Variants in CPNE5 observed in about 807,000 individuals in gnomAD.
CPNE5 encodes copine-5.
CPNE5 carries 42 observed loss-of-function variants against 81.1 expected under a neutral mutation model. That is an observed-to-expected ratio of 0.52 (90% confidence interval 0.40 to 0.67). The LOEUF (loss-of-function observed/expected upper bound fraction) is 0.67. Among genes scored for constraint, CPNE5 ranks in the 30% least tolerant of loss-of-function variants. CPNE5 has a pLI of 0.00. For synonymous variants in CPNE5, 313 were observed against 321.5 expected (o/e 0.97, Z 0.28); for missense variants, 612 against 815.5 (o/e 0.75, Z 3.04).
chr6:36,769,919 T>G (rs1351584781), intron 10 of CPNE5, among the ~76,000 whole-genome samples: 1 of 152,118 alleles, frequency 6.6e-6, no homozygotes, highest in Non-Finnish European at 1.5e-5. Context: ...ACTCCTTTCC[T>G]CTCTCCAGGT....
chr6:36,828,993 A>G lies in CPNE5; in HGVS notation c.96-5895T>C, dbSNP rs367963605. Among the ~76,000 whole-genome samples, 50 of 152,302 alleles carry G rather than the reference A, an allele frequency of 3.3e-4. 1 individual carries two copies. The East Asian group carries it at 6.6e-3, about 20-fold the overall frequency. On this transcript the variant is annotated intron_variant, in intron 1 of 20. Transcript: ENST00000244751. ...GATTAAACTCACATAGTAAGTTGCA[A>G]TGCAGTGCCTGGCATACAATAAGTG...
intron 3 of CPNE5, among the ~76,000 whole-genome samples, chr6:36,818,315 C>G (rs1353457097): frequency 6.6e-6 from 1 of 152,222 alleles, no homozygotes; most frequent in Non-Finnish European, 1.5e-5. Flanking sequence ...CTTCCCTTCT[C>G]GTCGTTTCCC....
chr6:36,782,382 G>A (rs1296957874), intron 8 of CPNE5, among the ~76,000 whole-genome samples: 2 of 152,138 alleles, frequency 1.3e-5, no homozygotes, highest in Non-Finnish European at 2.9e-5. Context: ...AACCCCTCAG[G>A]CCCTGTGAGA....
chr6:36,788,558 C>T (rs184595921), intron 8 of CPNE5, among the ~76,000 whole-genome samples: 53 of 152,090 alleles, frequency 3.5e-4, no homozygotes, highest in African/African-American at 1.1e-3. Context: ...CCACCCAGCC[C>T]CCCAGCCTTG....
intron 1 of CPNE5, among the ~76,000 whole-genome samples, chr6:36,832,635 A>C (rs968428111): frequency 2.0e-5 from 3 of 149,758 alleles, no homozygotes; most frequent in Non-Finnish European, 3.0e-5. Context: ...GTGAGCTGAC[A>C]AAGTAGCCCT....
rs16889183 is a variant in CPNE5, at chr6:36,837,977, C to G, written c.95+1306G>C. Among the ~76,000 whole-genome samples, 7 of 152,090 alleles carry G rather than the reference C, an allele frequency of 4.6e-5. No individual in the cohort carries two copies. In the South Asian group the frequency reaches 1.5e-3, roughly 32 times the overall value. On this transcript the variant is annotated intron_variant, in intron 1 of 20. Transcript: ENST00000244751. ...GATGCAAATGGCGTTGGGAGATGAT[C>G]CTGACGGCATGGTGTATGGGACCTG...
Position 36,778,863 on chromosome 6 carries a change from T to C in CPNE5, c.623A>G (p.Glu208Gly). 1 of 1,598,214 alleles carries C rather than the reference T, an allele frequency of 6.3e-7. No homozygotes were observed. Among genetic ancestry groups the C allele is most frequent in the Non-Finnish European group, 8.6e-7 (1 of 1,166,480 alleles). ...TCCCCAGAAAACTCACGTTCCATCC[T>C]CGTTGCTTCTGTAGAATACCAAGAA... ...DPFLVFYRSN[E>G]DGTFTICHKT... Residue 208 changes from glutamate to glycine, a missense_variant, in exon 9 of 21, where the codon GAG becomes GGG. Coordinates refer to ENST00000244751, the MANE Select transcript of CPNE5 (RefSeq NM_020939.2).
intron 9 of CPNE5, among the ~76,000 whole-genome samples, chr6:36,775,407 T>C (rs1404196789): frequency 6.6e-6 from 1 of 152,218 alleles, no homozygotes; most frequent in Non-Finnish European, 1.5e-5. Context: ...GCTCCCCACC[T>C]GTAAACGCAG....
intron 9 of CPNE5, among the ~76,000 whole-genome samples, chr6:36,776,583 T>C (rs1405473481): frequency 6.6e-6 from 1 of 152,050 alleles, no homozygotes; most frequent in African/African-American, 2.4e-5. Context: ...CCCAGAGGGA[T>C]GGGGGATGAT....
At chr6:36,767,011 C>T (rs1297312873) in intron 10 of CPNE5, among the ~76,000 whole-genome samples, 1 of 152,184 alleles carries the variant, frequency 6.6e-6, no homozygotes, top group African/African-American at 2.4e-5. Flanking sequence ...TGAGCCACCA[C>T]ACCTGGCTAA....
chr6:36,751,628 A>G (rs1764835415), intron 14 of CPNE5, among the ~76,000 whole-genome samples: 1 of 152,126 alleles, frequency 6.6e-6, no homozygotes, highest in South Asian at 2.1e-4. Context: ...CGTCTCTACT[A>G]AAAATACAAA....
intron 8 of CPNE5, among the ~76,000 whole-genome samples, chr6:36,787,517 G>T (rs754965964): frequency 6.6e-6 from 1 of 152,082 alleles, no homozygotes. Context: ...TTTCCTTCGG[G>T]ATAGTCAAGA....
Position 36,816,099 on chromosome 6 carries a change from C to T in CPNE5, c.183+6015G>A, listed in dbSNP as rs550256807. Among the ~76,000 whole-genome samples, 4 of 152,272 alleles carry T rather than the reference C, an allele frequency of 2.6e-5. No homozygotes were observed. The South Asian group carries it at 8.3e-4, about 32-fold the overall frequency. ...AGTCTACCCACGAAGGTCTCTTAGC[C>T]CCATTTTATAGATTAGTAAGCTGAG... On this transcript the variant is annotated intron_variant, in intron 3 of 20. Transcript: ENST00000244751.
Position 36,746,371 on chromosome 6 carries a change from C to A in CPNE5, c.1200+25G>T. 1 of 1,594,900 alleles carries A rather than the reference C, an allele frequency of 6.3e-7. No individual in the cohort carries two copies. Among genetic ancestry groups the A allele is most frequent in the South Asian group, 1.1e-5 (1 of 89,466 alleles). The stretch of plus-strand genomic sequence containing the variant: ...CCTCACCCCCAGCCTGATCAGTCCT[C>A]TCTCCCACCAGCGGGACCACCTACC... On this transcript the variant is annotated intron_variant, in intron 16 of 20. Transcript: ENST00000244751. This position sits in a 1 kb window ranked among gnomAD's most constrained non-coding sequence, Gnocchi z 4.5.
At chr6:36,744,450 A>T in intron 18 of CPNE5, 125 bp from the exon 19 acceptor site, 1 of 738,886 alleles carries the variant, frequency 1.4e-6, no homozygotes, top group Non-Finnish European at 2.4e-6. Context: ...GAACATGGAG[A>T]GACAGAGAAA....
chr6:36,834,185 G>GGAGTTGGA (rs1378914821), intron 1 of CPNE5, among the ~76,000 whole-genome samples: 1 of 147,754 alleles, frequency 6.8e-6, no homozygotes, highest in African/African-American at 2.5e-5. Context: ...CTTGAGCCCA[G>GGAGTTGGA]GAGTTGGAGG....
chr6:36,744,899 C>T, intron 18 of CPNE5, 149 bp downstream of exon 18: 1 of 646,312 alleles, frequency 1.5e-6, no homozygotes, highest in Non-Finnish European at 2.8e-6. Context: ...GGCAGTGGGG[C>T]CCAGTGAGGC....
At chr6:36,764,675 C>CA (rs1766383702) in intron 11 of CPNE5, among the ~76,000 whole-genome samples, 1 of 152,128 alleles carries the variant, frequency 6.6e-6, no homozygotes, top group African/African-American at 2.4e-5. Flanking sequence ...ACTGGCCTCC[C>CA]AAAGACCCCG....
At chr6:36,836,169 G>A (rs1773484578) in intron 1 of CPNE5, among the ~76,000 whole-genome samples, 1 of 152,198 alleles carries the variant, frequency 6.6e-6, no homozygotes, top group African/African-American at 2.4e-5. Context: ...ATAATTGTTT[G>A]GGAGTATAGT....
Sources: gnomAD v4.1 joint callset for allele counts (sites outside exome capture counted in the v4.1 genomes callset) on GRCh38, gnomAD v4.1.1 for gene constraint, Gnocchi (gnomAD v3.1) non-coding constraint, MANE v1.5 for transcripts, NCBI Gene and HGNC (gene_info 2026-07-23, HGNC 2026-07-21) for gene names.